POLR3A: variants seen among roughly 807,000 people sequenced by gnomAD.
The protein encoded by POLR3A is RNA polymerase III subunit A.
In POLR3A, 112 loss-of-function variants were observed where a neutral mutation model predicts 152.8. The ratio of observed to expected loss-of-function variants is 0.73; its 90% confidence interval spans 0.63 to 0.86. POLR3A has a LOEUF of 0.86. Among genes scored for constraint, POLR3A ranks in the 40% least tolerant of loss-of-function variants. The pLI is 0.00. For synonymous variants in POLR3A, 615 were observed against 652.1 expected (o/e 0.94, Z 0.87); for missense variants, 1,385 against 1,743.1 (o/e 0.79, Z 3.66).
chr10:77,989,494 AG>A (rs1166753803), intron 21 of POLR3A, among the ~76,000 whole-genome samples: 1 of 152,212 alleles, frequency 6.6e-6, no homozygotes, highest in African/African-American at 2.4e-5. Context: ...TTGCATCCCC[AG>A]GATCTGTGGA....
Position 78,010,610 on chromosome 10 carries a change from A to G in POLR3A, c.1573-70T>C, listed in dbSNP as rs549056354. ...TGATGCAGCCCAAAGCCTGAATCAC[A>G]AGGTTTTTGAATAGTTATGAACAAA... On this transcript the variant is annotated intron_variant, in intron 11 of 30. Coordinates refer to ENST00000372371, the MANE Select transcript of POLR3A (RefSeq NM_007055.4). 15 of 1,080,194 alleles carry G rather than the reference A, an allele frequency of 1.4e-5. No individual in the cohort carries two copies. In the South Asian group the frequency reaches 1.7e-4, roughly 13 times the overall value. 66.9% of individuals were successfully genotyped at this position (1,080,194 alleles called of 1,614,324 possible).
Position 77,985,197 on chromosome 10 carries a change from T to G in POLR3A, c.3215A>C (p.Glu1072Ala). ...NITLGVPRIK[E>A]IINASKAIST... The stretch of plus-strand genomic sequence containing the variant: ...GATGGCCTTGGAAGCGTTGATGATC[T>G]CTTTAATCCGGGGCACGCCCAGGGT... Residue 1072 changes from glutamate to alanine, a missense_variant, in exon 24 of 31, where the codon GAG becomes GCG. Glu to Ala is a moderately radical substitution (Grantham distance 107). Transcript: ENST00000372371. 6.2e-7 allele frequency: 1 copy of G among 1,614,176 alleles called. No individual in the cohort carries two copies. Among genetic ancestry groups the G allele is most frequent in the Non-Finnish European group, 8.5e-7 (1 of 1,179,986 alleles).
At chr10:78,028,923 G>A (rs887031491) in intron 1 of POLR3A, among the ~76,000 whole-genome samples, 2 of 152,134 alleles carry the variant, frequency 1.3e-5, no homozygotes, top group Non-Finnish European at 2.9e-5. Context: ...CTGTGGTACA[G>A]CTTTCTAGTG....
intron 20 of POLR3A, among the ~76,000 whole-genome samples, chr10:77,991,683 C>T (rs183648202): frequency 2.5e-3 from 384 of 152,128 alleles, no homozygotes; most frequent in Non-Finnish European, 4.9e-3. Context: ...CCACCACGTA[C>T]GATTAATTTT....
intron 17 of POLR3A, among the ~76,000 whole-genome samples, chr10:78,001,887 A>C (rs1847360783): frequency 1.5e-5 from 2 of 136,936 alleles, no homozygotes; most frequent in African/African-American, 7.3e-5. Flanking sequence ...CAAGCAATCA[A>C]TCGGCCTCGG....
intron 16 of POLR3A, among the ~76,000 whole-genome samples, chr10:78,002,624 C>T (rs923934083): frequency 3.9e-5 from 6 of 152,042 alleles, no homozygotes; most frequent in African/African-American, 9.7e-5. Context: ...CTCAAACTCC[C>T]GGGCTCAAGT....
chr10:77,983,069 G>A (rs914194268), intron 26 of POLR3A, among the ~76,000 whole-genome samples: 6 of 152,130 alleles, frequency 3.9e-5, no homozygotes, highest in African/African-American at 1.4e-4. Flanking sequence ...TTCATGCTCA[G>A]TTCATGGCAA....
intron 21 of POLR3A, among the ~76,000 whole-genome samples, chr10:77,987,392 G>T (rs1007212941): frequency 6.6e-6 from 1 of 152,124 alleles, no homozygotes; most frequent in Non-Finnish European, 1.5e-5. Flanking sequence ...GCATTCAGCT[G>T]CTCTGTGTGT....
chr10:78,025,530 C>T, intron 3 of POLR3A, 92 bp downstream of exon 3: 1 of 1,254,072 alleles, frequency 8.0e-7, no homozygotes, highest in Non-Finnish European at 1.2e-6. Context: ...CTAGATGTAT[C>T]CCCCACCACT....
chr10:78,029,265 C>T, intron 1 of POLR3A, 99 bp downstream of exon 1: 2 of 1,207,336 alleles, frequency 1.7e-6, no homozygotes, highest in Middle Eastern at 3.8e-4. Context: ...CCTCCCCTTC[C>T]CATTGCACCC....
Position 77,977,502 on chromosome 10 carries a change from T to C in POLR3A, c.4149A>G (p.Glu1383=), listed in dbSNP as rs370868154. ...ACTATGTGACAAGGGGGATGTGGAA[T>C]TCATTTGTGTCGAAGATCAGGGGCC... ...PKRPLIFDTN[E]FHIPLVT Residue 1383 remains glutamate (E), a synonymous_variant, in exon 31 of 31, where the codon GAA becomes GAG. Transcript: ENST00000372371. 4 of 1,613,986 alleles carry C rather than the reference T, an allele frequency of 2.5e-6. No individual in the cohort carries two copies. In the East Asian group the frequency reaches 8.9e-5, roughly 36 times the overall value.
At chr10:77,983,520 C>T (rs1224204649) in intron 26 of POLR3A, among the ~76,000 whole-genome samples, 2 of 152,158 alleles carry the variant, frequency 1.3e-5, no homozygotes, top group African/African-American at 2.4e-5. Flanking sequence ...CCAGGTTAAT[C>T]TCCCCATCTA....
chr10:78,020,823 T>G (rs533685742), intron 8 of POLR3A, among the ~76,000 whole-genome samples: 4 of 152,264 alleles, frequency 2.6e-5, no homozygotes, highest in African/African-American at 9.6e-5. Context: ...TTTCTGGGTA[T>G]GTAGCAATAG....
intron 30 of POLR3A, among the ~76,000 whole-genome samples, chr10:77,978,797 A>ACAATAGCAACACCATGCCCGCTCTCACCC (rs1275543863): frequency 6.6e-6 from 1 of 150,986 alleles, no homozygotes. Flanking sequence ...AGTAGCTGGG[A>ACAATAGCAACACCATGCCCGCTCTCACCC]TTACAGGTGC....
chr10:78,006,275 T>C (rs1227500570), intron 15 of POLR3A, among the ~76,000 whole-genome samples: 1 of 151,636 alleles, frequency 6.6e-6, no homozygotes, highest in Non-Finnish European at 1.5e-5. Context: ...CAGGCACCTG[T>C]AGTCCCAGTT....
chr10:77,976,007 G>C lies in POLR3A; in HGVS notation c.*1471C>G, dbSNP rs1455411083. ...GGGGGGTTAAACATTAAGAAAAATG[G>C]CATTTTTTTTCCACATCACTGATAC... On this transcript the variant is annotated 3_prime_UTR_variant, in exon 31 of 31. Transcript: ENST00000372371. 1 of 151,966 alleles carries C rather than the reference G, an allele frequency of 6.6e-6. No individual in the cohort carries two copies. Among genetic ancestry groups the C allele is most frequent in the Non-Finnish European group, 1.5e-5 (1 of 68,012 alleles). The allele number at this position is 151,966 out of a possible 1,614,324, so 9.4% of individuals were successfully genotyped here. A position where few individuals can be genotyped will look rare whatever the true frequency, so the allele number is the denominator to read the frequency against.
intron 19 of POLR3A, 129 bp downstream of exon 19, chr10:77,999,852 T>C (rs1451512224): frequency 3.3e-6 from 3 of 919,056 alleles, no homozygotes; most frequent in Non-Finnish European, 5.1e-6. Context: ...CCTTTCTACA[T>C]TTTTTCCTTT....
chr10:77,980,967 A>AG (rs937545662), intron 29 of POLR3A, among the ~76,000 whole-genome samples: 2 of 151,726 alleles, frequency 1.3e-5, no homozygotes, highest in Admixed American at 1.3e-4. Flanking sequence ...TGGAAAAGAG[A>AG]GAAAAAAAAA....
chr10:78,014,704 T>C (rs1047778712), intron 10 of POLR3A, among the ~76,000 whole-genome samples: 77 of 152,104 alleles, frequency 5.1e-4, no homozygotes, highest in Admixed American at 1.2e-3. Flanking sequence ...CACCTGGCCC[T>C]TTCTTTAAAA....
Sources: gnomAD v4.1 joint callset for allele counts (sites outside exome capture counted in the v4.1 genomes callset) on GRCh38, gnomAD v4.1.1 for gene constraint, MANE v1.5 for transcripts, NCBI Gene and HGNC (gene_info 2026-07-23, HGNC 2026-07-21) for gene names.